The following DVL2 variants were observed in gnomAD, a reference collection of about 807,000 sequenced individuals.
DVL2 encodes the protein dishevelled segment polarity protein 2.
Under a neutral mutation model 69.8 loss-of-function variants are expected in DVL2, and 38 were observed. The ratio of observed to expected loss-of-function variants is 0.54; its 90% confidence interval spans 0.42 to 0.71. The LOEUF is 0.71. Ranked by LOEUF, DVL2 falls within the 30% of genes least tolerant of loss-of-function variation. The pLI is 0.00. For synonymous variants in DVL2, 428 were observed against 392.4 expected, an observed-to-expected ratio of 1.09 and a Z score of -1.07; for missense variants, 931 against 1,008.1, an observed-to-expected ratio of 0.92 and a Z score of 1.04.
rs772894172 is a variant in DVL2, at chr17:7,229,525, G to A, written c.747+63C>T. On this transcript the variant is annotated intron_variant, in intron 6 of 14. Coordinates refer to ENST00000005340, the MANE Select transcript of DVL2 (RefSeq NM_004422.3). The surrounding 1 kb of genome is among the most constrained non-coding windows in gnomAD (Gnocchi z 4.4). The stretch of plus-strand genomic sequence containing the variant: ...GGGGTGCTGCCGGTGTCCTGGCACC[G>A]CCCAAACCAAAGCCCATGCCCCACC... 122 of 1,609,480 alleles carry A rather than the reference G, an allele frequency of 7.6e-5. No homozygotes were observed. The highest frequency in any genetic ancestry group is 1.0e-4 in the Non-Finnish European group (118 of 1,176,758).
intron 13 of DVL2, 155 bp downstream of exon 13, chr17:7,226,935 C>G (rs2071463793): frequency 1.3e-6 from 1 of 766,596 alleles, no homozygotes; most frequent in Non-Finnish European, 2.1e-6. Flanking sequence ...GGACGTCAGC[C>G]CCCATCCTCG....
At position 7,234,446 on chromosome 17, in the gene DVL2, G is replaced by A. The variant is rs905294560; in HGVS notation, c.-184C>T. ...CGGCGGGGGGCGGGCCGCGGGGTGCGACTCAAAGCCCCGGTCTCAGCGGCC... is the reference window on the plus strand; with the variant it reads ...CGGCGGGGGGCGGGCCGCGGGGTGCAACTCAAAGCCCCGGTCTCAGCGGCC... On this transcript the variant is annotated 5_prime_UTR_variant, in exon 1 of 15. Coordinates refer to ENST00000005340, the MANE Select transcript of DVL2 (RefSeq NM_004422.3). 1 of 691,084 alleles carries A rather than the reference G, an allele frequency of 1.4e-6. No homozygotes were observed. The highest frequency in any genetic ancestry group is 2.3e-6 in the Non-Finnish European group (1 of 442,656). The allele number at this position is 691,084 out of a possible 1,614,324, so 42.8% of individuals were successfully genotyped here.
chr17:7,227,754 C>A lies in DVL2; in HGVS notation c.1132G>T (p.Ala378Ser). Residue 378 changes from alanine (A) to serine (S), a missense_variant, in exon 11 of 15, where the codon GCC becomes TCC. Ala to Ser is a moderately conservative substitution (Grantham distance 99). Coordinates refer to ENST00000005340, the MANE Select transcript of DVL2 (RefSeq NM_004422.3). ...AGAGCCGCGGAATGGGACACCCAGG[C>A]AGCAGGGTCAATTGGCTGGATGGGC... is the stretch of plus-strand genomic sequence containing the variant. ...NEPIQPIDPAAWVSHSAALTG... is the reference protein window; with the variant it reads ...NEPIQPIDPASWVSHSAALTG... The A allele has an allele frequency of 6.3e-7, 1 of 1,589,360 alleles. No homozygotes were observed. Among genetic ancestry groups the A allele is most frequent in the Non-Finnish European group, 8.6e-7 (1 of 1,167,680 alleles).
chr17:7,230,350 T>C lies in DVL2; in HGVS notation c.345A>G (p.Pro115=), dbSNP rs995927646. 2.5e-6 allele frequency: 4 copies of C among 1,613,770 alleles called. No homozygotes were observed. In the African/African-American group the frequency reaches 4.0e-5, roughly 16 times the overall value. ...TCTCGGGTGGCAAAGGAGGTAAAGG[T>C]GGGGCTGGAGGCGCCAGTTCTGCCC... ...EPRAELAPPA[P]PLPPLPPERT... Residue 115 remains proline, a synonymous_variant, in exon 3 of 15, where the codon CCA becomes CCG. Coordinates refer to ENST00000005340, the MANE Select transcript of DVL2 (RefSeq NM_004422.3).
At chr17:7,230,699 G>T in intron 2 of DVL2, 29 bp downstream of exon 2, 1 of 1,595,738 alleles carries the variant, frequency 6.3e-7, no homozygotes, top group East Asian at 2.2e-5. Context: ...TGCTGAGGGG[G>T]CCTGGTCCTC....
chr17:7,228,848 C>G (rs2142992718), intron 9 of DVL2, 121 bp downstream of exon 9: 3 of 986,878 alleles, frequency 3.0e-6, no homozygotes. Flanking sequence ...TCCCAAAGTG[C>G]TGGGTTTACA....
chr17:7,228,079 G>A, intron 9 of DVL2, 35 bp from the exon 10 acceptor site: 3 of 1,506,628 alleles, frequency 2.0e-6, no homozygotes, highest in Non-Finnish European at 1.8e-6. Flanking sequence ...AGGGCGCAGG[G>A]GAAGAGGAGG....
At position 7,229,773 on chromosome 17, in the gene DVL2, C is replaced by T. The variant is rs760531746; in HGVS notation, c.656+35G>A. On this transcript the variant is annotated intron_variant, in intron 5 of 14. Transcript: ENST00000005340. This position sits in a 1 kb window ranked among gnomAD's most constrained non-coding sequence, Gnocchi z 4.4. ...GGATTGACTGGAAGACGAGACGGGG[C>T]TGGGTGCGCTGGGGAGAGCTGTGCG... 1.3e-6 allele frequency: 2 copies of T among 1,595,024 alleles called. No individual in the cohort carries two copies. The highest frequency in any genetic ancestry group is 1.1e-5 in the South Asian group (1 of 90,388).
At chr17:7,227,892 C>A in intron 10 of DVL2, 85 bp downstream of exon 10, 1 of 1,567,124 alleles carries the variant, frequency 6.4e-7, no homozygotes, top group Non-Finnish European at 8.7e-7. Flanking sequence ...CTCCTCCCAC[C>A]CATTCCCCAT....
chr17:7,228,687 T>C, intron 9 of DVL2: 1 of 393,850 alleles, frequency 2.5e-6, no homozygotes, highest in Non-Finnish European at 4.7e-6. Flanking sequence ...GTTCAAGTGA[T>C]TCTCCTGTCT....
rs769998702 is a variant in DVL2 at position 7,230,234 on chromosome 17, G to A, written c.410+51C>T. On this transcript the variant is annotated intron_variant, in intron 3 of 14. Transcript: ENST00000005340. ...CCTAGGCGTCCCCTACCAAAGGCCT[G>A]GGTTCCCTCCTCACCTCCCTCCCCT... 3.1e-6 allele frequency: 5 copies of A among 1,612,262 alleles called. No homozygotes were observed. The East Asian group carries it at 6.7e-5, about 22-fold the overall frequency.
Position 7,225,444 on chromosome 17 carries a change from T to A in DVL2, c.*421A>T. 1 of 439,172 alleles carries A rather than the reference T, an allele frequency of 2.3e-6. No individual in the cohort carries two copies. The highest frequency in any genetic ancestry group is 4.8e-5 in the East Asian group (1 of 20,774). The allele number at this position is 439,172 out of a possible 1,614,324, so 27.2% of individuals were successfully genotyped here. Reference sequence around the variant, plus strand: ...CCCAAATCTCCCAGCTTCCTCAGGCTGCTGTCTAGGATGCCTAACCCCGGG... The same window carrying A: ...CCCAAATCTCCCAGCTTCCTCAGGCAGCTGTCTAGGATGCCTAACCCCGGG... On this transcript the variant is annotated 3_prime_UTR_variant, in exon 15 of 15. Transcript: ENST00000005340.
chr17:7,233,503 G>A (rs2071579816), intron 1 of DVL2, among the ~76,000 whole-genome samples: 1 of 152,118 alleles, frequency 6.6e-6, no homozygotes, highest in Non-Finnish European at 1.5e-5. Context: ...GAGTGCAGTG[G>A]CGCGATCTCG....
At chr17:7,228,818 G>C in intron 9 of DVL2, 151 bp downstream of exon 9, 1 of 694,280 alleles carries the variant, frequency 1.4e-6, no homozygotes, top group Non-Finnish European at 2.5e-6. Flanking sequence ...CTCACCTCAG[G>C]TGATCCACCC....
intron 14 of DVL2, 31 bp from the exon 15 acceptor site, chr17:7,226,344 C>T: frequency 6.5e-7 from 1 of 1,536,856 alleles, no homozygotes; most frequent in Non-Finnish European, 8.7e-7. Flanking sequence ...CAACTGAGTC[C>T]TCACCCAGGC....
Position 7,230,138 on chromosome 17 carries a change from C to T in DVL2, c.428G>A (p.Ser143Asn), listed in dbSNP as rs763236259. 1 of 1,614,124 alleles carries T rather than the reference C, an allele frequency of 6.2e-7. No individual in the cohort carries two copies. The highest frequency in any genetic ancestry group is 1.1e-5 in the South Asian group (1 of 91,070). Residue 143 changes from serine (S) to asparagine (N), a missense_variant, in exon 4 of 15, where the codon AGC (serine) becomes AAC (asparagine). By Grantham distance (46) the Ser-to-Asn change is conservative. This residue lies in a region of DVL2 where 555 missense variants were observed against 588.8 expected (regional missense o/e 0.94). Coordinates refer to ENST00000005340, the MANE Select transcript of DVL2 (RefSeq NM_004422.3). ...TGTCTCAGGCTCCAGATTCTCATGG[C>T]TGCTGGACACATTAGGGCTGGACAG... ...PPSFHPNVSS[S>N]HENLEPETET...
chr17:7,234,030 G>A (rs1025357213), intron 1 of DVL2, 39 bp downstream of exon 1: 2 of 1,606,866 alleles, frequency 1.2e-6, no homozygotes, highest in Non-Finnish European at 1.7e-6. Context: ...ATCCACTCTA[G>A]CAAAGCCCCC....
At chr17:7,232,606 A>G (rs1258969486) in intron 1 of DVL2, among the ~76,000 whole-genome samples, 1 of 152,274 alleles carries the variant, frequency 6.6e-6, no homozygotes, top group Non-Finnish European at 1.5e-5. Flanking sequence ...GATGAGATCA[A>G]GACACAAAAT....
chr17:7,227,857 C>T, intron 10 of DVL2, 74 bp from the exon 11 acceptor site: 3 of 1,558,024 alleles, frequency 1.9e-6, no homozygotes, highest in South Asian at 2.4e-5. Flanking sequence ...CTGACTCAGC[C>T]TCCTGTTCCA....
Sources: gnomAD v4.1 joint callset for allele counts (sites outside exome capture counted in the v4.1 genomes callset) on GRCh38, gnomAD v4.1.1 for gene constraint, gnomAD v4.1.1 regional missense constraint, Gnocchi (gnomAD v3.1) non-coding constraint, MANE v1.5 for transcripts, NCBI Gene and HGNC (gene_info 2026-07-23, HGNC 2026-07-21) for gene names.